The following GAB1 variants were observed in gnomAD, a reference collection of about 807,000 sequenced individuals.
The protein encoded by GAB1 is GRB2 associated binding protein 1.
GAB1 carries 19 observed loss-of-function variants against 66.5 expected under a neutral mutation model. That is an observed-to-expected ratio of 0.29 (90% CI 0.20 to 0.42). The LOEUF (loss-of-function observed/expected upper bound fraction) is 0.42, where lower values mean the gene tolerates loss of function less well. Ranked by LOEUF, GAB1 falls within the 10% of genes least tolerant of loss-of-function variation. GAB1 has a pLI of 1.00. For synonymous variants in GAB1, 294 were observed against 301.4 expected, an observed-to-expected ratio of 0.98 and a Z score of 0.25; for missense variants, 732 against 858.5, an observed-to-expected ratio of 0.85 and a Z score of 1.84.
At chr4:143,373,833 CTCTCTCT>C (rs1409010660) in intron 1 of GAB1, among the ~76,000 whole-genome samples, 1 of 122,846 alleles carries the variant, frequency 8.1e-6, no homozygotes, top group African/African-American at 3.5e-5. Flanking sequence ...CTCTCTCTCT[CTCTCTCT>C]CTCTCTCTCT....
Position 143,336,915 on chromosome 4 carries a change from G to C in GAB1, c.-274G>C, listed in dbSNP as rs1220371824. ...TCCGAGCGCTGCTGAGGCAGCTGGC[G>C]AGACGGCACGTCTGGAGGCGAGGCG... On this transcript the variant is annotated 5_prime_UTR_variant, in exon 1 of 10. Transcript: ENST00000262994. 2.2e-6 allele frequency: 1 copy of C among 461,322 alleles called. No homozygotes were observed. Among genetic ancestry groups the C allele is most frequent in the Admixed American group, 4.0e-5 (1 of 25,234 alleles). The allele number at this position is 461,322 out of a possible 1,614,324, so 28.6% of individuals were successfully genotyped here.
At chr4:143,447,381 T>A (rs1424952773) in intron 6 of GAB1, among the ~76,000 whole-genome samples, 1 of 152,314 alleles carries the variant, frequency 6.6e-6, no homozygotes, top group South Asian at 2.1e-4. Context: ...TAAATTACCT[T>A]GGGCAGTATG....
At chr4:143,348,821 G>A (rs1305467610) in intron 1 of GAB1, among the ~76,000 whole-genome samples, 1 of 151,996 alleles carries the variant, frequency 6.6e-6, no homozygotes, top group African/African-American at 2.4e-5. Context: ...CTCCCCTTCA[G>A]CTATACTGAA....
chr4:143,406,224 T>C (rs1236634503), intron 1 of GAB1, among the ~76,000 whole-genome samples: 1 of 152,216 alleles, frequency 6.6e-6, no homozygotes, highest in African/African-American at 2.4e-5. Context: ...AATACTGTGC[T>C]GAAAATTTTG....
At chr4:143,349,520 G>C in intron 1 of GAB1, 1 of 1,528,856 alleles carries the variant, frequency 6.5e-7, no homozygotes, top group Non-Finnish European at 8.9e-7. Flanking sequence ...ATCATGAGCA[G>C]CTTCTTAGGC....
chr4:143,365,885 TC>T (rs1355515481), intron 1 of GAB1, among the ~76,000 whole-genome samples: 1 of 152,220 alleles, frequency 6.6e-6, no homozygotes, highest in African/African-American at 2.4e-5. Context: ...AGGCTTTTAT[TC>T]ATTACTAATA....
chr4:143,417,384 C>T (rs942122367), intron 2 of GAB1: 16 of 413,856 alleles, frequency 3.9e-5, no homozygotes, highest in Non-Finnish European at 7.7e-5. Flanking sequence ...TGGAATTCTA[C>T]CTCGGGTACT....
At chr4:143,468,208 CTTTTTTTT>C (rs780138131) in intron 9 of GAB1, among the ~76,000 whole-genome samples, 25 of 70,056 alleles carry the variant, frequency 3.6e-4, no homozygotes, top group African/African-American at 8.9e-4. Context: ...AGTTTGAATT[CTTTTTTTT>C]TTTTTTTTTT....
At position 143,448,498 on chromosome 4, in the gene GAB1, C is replaced by T. The variant is rs1412868022; in HGVS notation, c.1585+8116C>T. 2.0e-5 allele frequency among the ~76,000 whole-genome samples: 3 copies of T among 151,914 alleles called. No individual in the cohort carries two copies. In the South Asian group the frequency reaches 6.2e-4, roughly 31 times the overall value. On this transcript the variant is annotated intron_variant, in intron 6 of 9. Coordinates refer to ENST00000262994, the MANE Select transcript of GAB1 (RefSeq NM_002039.4). ...GTTATTGGTCTATTCAGAGATTCAA[C>T]TTCTTCCTGGTTTAGTCTTGGGAGA...
chr4:143,348,658 A>G (rs941707051), intron 1 of GAB1, among the ~76,000 whole-genome samples: 2 of 152,182 alleles, frequency 1.3e-5, no homozygotes, highest in African/African-American at 2.4e-5. Context: ...TGAAATACCA[A>G]TCTGATAATG....
intron 1 of GAB1, chr4:143,381,796 G>T (rs1730668329): frequency 1.3e-5 from 2 of 152,238 alleles, no homozygotes; most frequent in South Asian, 4.1e-4. Flanking sequence ...TTTAACAGGA[G>T]ATGGCTTTGC....
At chr4:143,374,705 A>ATG (rs1325209377) in intron 1 of GAB1, among the ~76,000 whole-genome samples, 10 of 152,186 alleles carry the variant, frequency 6.6e-5, no homozygotes, top group Non-Finnish European at 1.5e-5. Context: ...CTTGGCTCTC[A>ATG]TGAACACTTG....
At chr4:143,389,135 G>C (rs1731059272) in intron 1 of GAB1, among the ~76,000 whole-genome samples, 1 of 152,236 alleles carries the variant, frequency 6.6e-6, no homozygotes, top group African/African-American at 2.4e-5. Context: ...TCTTTCCGCA[G>C]TTGGTAATCA....
intron 6 of GAB1, among the ~76,000 whole-genome samples, chr4:143,457,265 G>A (rs1178556948): frequency 6.6e-6 from 1 of 152,136 alleles, no homozygotes; most frequent in Non-Finnish European, 1.5e-5. Context: ...AGATTTCAAA[G>A]AAAAGAAAGA....
At chr4:143,460,194 T>C (rs1735415913) in intron 7 of GAB1, among the ~76,000 whole-genome samples, 170 bp from the exon 8 acceptor site, 1 of 152,192 alleles carries the variant, frequency 6.6e-6, no homozygotes, top group Non-Finnish European at 1.5e-5. Context: ...TAAATATTAG[T>C]TATGTGTTTG....
At chr4:143,459,304 AAT>A in intron 6 of GAB1, 79 bp from the exon 7 acceptor site, 1 of 821,280 alleles carries the variant, frequency 1.2e-6, no homozygotes, top group Non-Finnish European at 2.1e-6. Flanking sequence ...ATCAAATATA[AAT>A]AGAGTTACAG....
intron 1 of GAB1, chr4:143,349,996 T>C: frequency 6.3e-7 from 1 of 1,579,270 alleles, no homozygotes; most frequent in Non-Finnish European, 8.6e-7. Context: ...ATCCTCGGCC[T>C]TGCCTCCGCG....
In GAB1 at chr4:143,438,603, C is replaced by G; in HGVS notation, c.1195+3C>G. 1.9e-6 allele frequency: 3 copies of G among 1,611,314 alleles called. No homozygotes were observed. Among genetic ancestry groups the G allele is most frequent in the Non-Finnish European group, 2.5e-6 (3 of 1,178,522 alleles). ...GGATTTAAACAAATTGCGAAAAGGT[C>G]AGCTCTAGTTGACTTCTTCTCTATT... On this transcript the variant is annotated splice_donor_region_variant and intron_variant, in intron 4 of 9. Transcript: ENST00000262994.
chr4:143,466,276 C>G, intron 9 of GAB1, 51 bp downstream of exon 9: 2 of 1,553,480 alleles, frequency 1.3e-6, no homozygotes, highest in Non-Finnish European at 1.8e-6. Context: ...GTTCACACTT[C>G]AAACCTGAAG....
Sources: gnomAD v4.1 joint callset for allele counts (sites outside exome capture counted in the v4.1 genomes callset) on GRCh38, gnomAD v4.1.1 for gene constraint, MANE v1.5 for transcripts, NCBI Gene and HGNC (gene_info 2026-07-23, HGNC 2026-07-21) for gene names.